Variants in TMEM74 observed in about 807,000 individuals in gnomAD.
TMEM74 encodes the protein transmembrane protein 74.
TMEM74 carries 13 observed loss-of-function variants against 18.1 expected under a neutral mutation model. That is an observed-to-expected ratio of 0.72 (90% confidence interval 0.47 to 1.14). The LOEUF is 1.14. Among genes scored for constraint, TMEM74 ranks in the 50% most tolerant of loss-of-function variants. TMEM74 has a pLI of 0.00. For missense variants in TMEM74, 372 were observed against 375.9 expected (o/e 0.99, Z 0.09); for synonymous variants, 159 against 146.6 (o/e 1.08, Z -0.61).
chr8:108,688,889 T>C (rs1174688467), intron 1 of TMEM74, among the ~76,000 whole-genome samples: 4 of 152,184 alleles, frequency 2.6e-5, no homozygotes, highest in Admixed American at 2.6e-4. Flanking sequence ...ATTGAATATC[T>C]AAAAGCAAAC....
intron 1 of TMEM74, among the ~76,000 whole-genome samples, chr8:108,762,358 C>A (rs759735597): frequency 1.3e-4 from 20 of 152,088 alleles, no homozygotes; most frequent in Non-Finnish European, 2.4e-4. Context: ...ATAGCTGATT[C>A]TCATGAATAA....
At chr8:108,682,311 A>G (rs1813123239) in intron 1 of TMEM74, among the ~76,000 whole-genome samples, 1 of 151,980 alleles carries the variant, frequency 6.6e-6, no homozygotes, top group African/African-American at 2.4e-5. Flanking sequence ...CTTTTTACCT[A>G]CCTAACATCT....
At chr8:108,694,596 A>G (rs1156612366) in intron 1 of TMEM74, among the ~76,000 whole-genome samples, 1 of 152,234 alleles carries the variant, frequency 6.6e-6, no homozygotes, top group Non-Finnish European at 1.5e-5. Flanking sequence ...CTCAGCTCTC[A>G]GTATACAGTT....
At chr8:108,770,282 C>T (rs6469203) in intron 1 of TMEM74, among the ~76,000 whole-genome samples, 63,058 of 151,906 alleles carry the variant, frequency 0.42, 13,920 homozygotes, top group African/African-American at 0.56. Flanking sequence ...TGGTTTAGTA[C>T]AGTGAGAAAA....
chr8:108,737,416 A>G (rs1199725312), intron 1 of TMEM74, among the ~76,000 whole-genome samples: 2 of 152,216 alleles, frequency 1.3e-5, no homozygotes, highest in South Asian at 2.1e-4. Context: ...TGTGCTCCAG[A>G]TAGAATATCA....
chr8:108,723,682 G>A (rs1813607362), intron 1 of TMEM74, among the ~76,000 whole-genome samples: 1 of 151,956 alleles, frequency 6.6e-6, no homozygotes, highest in Non-Finnish European at 1.5e-5. Flanking sequence ...TTTATTTTCA[G>A]CGTATTGAAA....
At chr8:108,711,336 A>C (rs1813473297) in intron 1 of TMEM74, among the ~76,000 whole-genome samples, 1 of 152,136 alleles carries the variant, frequency 6.6e-6, no homozygotes, top group Non-Finnish European at 1.5e-5. Flanking sequence ...CCAAAGAGAG[A>C]ATTTTACTCT....
At chr8:108,638,814 T>C (rs1309565546) in intron 2 of TMEM74, among the ~76,000 whole-genome samples, 4 of 152,158 alleles carry the variant, frequency 2.6e-5, no homozygotes, top group African/African-American at 9.7e-5. Context: ...ATCGCATTAA[T>C]AGTCCCATTT....
intron 1 of TMEM74, among the ~76,000 whole-genome samples, chr8:108,659,112 A>G (rs959880636): frequency 2.0e-5 from 3 of 152,178 alleles, no homozygotes; most frequent in Admixed American, 2.0e-4. Context: ...TGATAAACCA[A>G]CAAGTAATTT....
At chr8:108,756,610 G>GA (rs1563543646) in intron 1 of TMEM74, among the ~76,000 whole-genome samples, 26 of 68,948 alleles carry the variant, frequency 3.8e-4, no homozygotes, top group African/African-American at 1.9e-3. Context: ...AAGGAAGGAA[G>GA]GAAGGAAGGA....
intron 2 of TMEM74, among the ~76,000 whole-genome samples, chr8:108,631,515 T>C (rs905885692): frequency 1.3e-5 from 2 of 152,022 alleles, no homozygotes. Context: ...TAGAGACTTG[T>C]ATTTGGTTTG....
At chr8:108,649,230 C>G (rs1243272037) in intron 2 of TMEM74, among the ~76,000 whole-genome samples, 2 of 152,090 alleles carry the variant, frequency 1.3e-5, no homozygotes, top group Non-Finnish European at 2.9e-5. Context: ...GTATCTGCAT[C>G]TTCAAAAATG....
chr8:108,676,247 A>G (rs1445401983), intron 1 of TMEM74, among the ~76,000 whole-genome samples: 2 of 152,080 alleles, frequency 1.3e-5, no homozygotes. Context: ...TTATGTCACT[A>G]CTCCACCCAA....
chr8:108,694,477 C>T (rs1259314305), intron 1 of TMEM74, among the ~76,000 whole-genome samples: 1 of 152,038 alleles, frequency 6.6e-6, no homozygotes, highest in Non-Finnish European at 1.5e-5. Flanking sequence ...CCATAATAGG[C>T]AAATCCATAG....
chr8:108,655,617 C>T (rs1298427159), intron 1 of TMEM74, among the ~76,000 whole-genome samples: 1 of 152,068 alleles, frequency 6.6e-6, no homozygotes, highest in Admixed American at 6.6e-5. Context: ...CTCTTTTACT[C>T]CCCCAAGCTG....
intron 1 of TMEM74, among the ~76,000 whole-genome samples, chr8:108,722,488 G>A (rs1813595325): frequency 6.6e-6 from 1 of 152,178 alleles, no homozygotes; most frequent in South Asian, 2.1e-4. Context: ...TGGAAAGAGC[G>A]TAGGCTTAGG....
intron 1 of TMEM74, among the ~76,000 whole-genome samples, chr8:108,674,011 T>C (rs564306481): frequency 1.3e-5 from 2 of 152,188 alleles, no homozygotes; most frequent in Non-Finnish European, 2.9e-5. Context: ...TTGTTAGATA[T>C]GAATGCCTAG....
intron 1 of TMEM74, among the ~76,000 whole-genome samples, chr8:108,669,764 A>G (rs114839289): frequency 0.029 from 4,456 of 152,258 alleles, 116 homozygotes; most frequent in African/African-American, 0.066. Flanking sequence ...GGGGCCAGGC[A>G]TGGTGGCTCA....
chr8:108,624,928 T>C (rs1484579183), intron 2 of TMEM74, among the ~76,000 whole-genome samples: 6 of 152,086 alleles, frequency 3.9e-5, no homozygotes, highest in Non-Finnish European at 7.4e-5. Context: ...AAGATAGAGA[T>C]AATGTATTAG....
Sources: allele counts gnomAD v4.1 joint callset (sites outside exome capture counted in the v4.1 genomes callset), GRCh38; gene constraint gnomAD v4.1.1; transcripts MANE v1.5; gene names NCBI Gene and HGNC (gene_info 2026-07-23, HGNC 2026-07-21).